The following NEGR1 variants were observed in gnomAD, a reference collection of about 807,000 sequenced individuals.
The protein encoded by NEGR1 is neuronal growth regulator 1, also known as IgLON family member 4.
In NEGR1, 10 loss-of-function variants were observed where a neutral mutation model predicts 40.9. The ratio of observed to expected loss-of-function variants is 0.24; its 90% CI spans 0.15 to 0.42. NEGR1 has a LOEUF of 0.42. Among genes scored for constraint, NEGR1 ranks in the 10% least tolerant of loss-of-function variants. NEGR1 has a pLI of 1.00. For missense variants in NEGR1, 352 were observed against 438.9 expected, an observed-to-expected ratio of 0.80 and a Z score of 1.77; for synonymous variants, 185 against 166.8, an observed-to-expected ratio of 1.11 and a Z score of -0.84.
intron 4 of NEGR1, among the ~76,000 whole-genome samples, chr1:71,612,728 C>T (rs1415564548): frequency 6.6e-6 from 1 of 152,096 alleles, no homozygotes; most frequent in African/African-American, 2.4e-5. Context: ...TGCACAAAGA[C>T]TAGATGTAAA....
At chr1:71,994,385 G>A (rs534579184) in intron 1 of NEGR1, among the ~76,000 whole-genome samples, 4 of 151,870 alleles carry the variant, frequency 2.6e-5, no homozygotes, top group Non-Finnish European at 4.4e-5. Context: ...AAAATTAGCC[G>A]GGCGTGGTGG....
At chr1:71,703,141 G>T (rs556103289) in intron 3 of NEGR1, 31 of 152,008 alleles carry the variant, frequency 2.0e-4, no homozygotes, top group Non-Finnish European at 4.0e-4. Flanking sequence ...CTCAGACAAG[G>T]TAAAGAGACA....
chr1:71,565,104 A>G (rs2101485355), intron 6 of NEGR1, among the ~76,000 whole-genome samples: 1 of 152,274 alleles, frequency 6.6e-6, no homozygotes, highest in East Asian at 1.9e-4. Flanking sequence ...AGAGGTAACC[A>G]GATAAAATAA....
chr1:71,856,781 T>C (rs913419274), intron 2 of NEGR1, among the ~76,000 whole-genome samples: 2 of 152,082 alleles, frequency 1.3e-5, no homozygotes, highest in African/African-American at 4.8e-5. Flanking sequence ...TATGAAACAT[T>C]CAGGATCTAA....
chr1:71,428,258 G>A lies in NEGR1; in HGVS notation c.941-20688C>T, dbSNP rs78490888. On this transcript the variant is annotated intron_variant, in intron 6 of 6. Transcript: ENST00000357731. ...CTGGGTGCTTGCCTTCTGGCTAGAT[G>A]ACATTAAGCTGAGGTGCATATGTGG... 3.1e-3 allele frequency among the ~76,000 whole-genome samples: 472 copies of A among 152,264 alleles called. 4 individuals carry two copies. Among genetic ancestry groups the A allele is most frequent in the African/African-American group, 0.011 (444 of 41,546 alleles).
At chr1:71,528,640 C>T (rs1647272119) in intron 6 of NEGR1, among the ~76,000 whole-genome samples, 1 of 151,184 alleles carries the variant, frequency 6.6e-6, no homozygotes, top group South Asian at 2.1e-4. Flanking sequence ...AATATGGTAT[C>T]TTGTGGTGAA....
chr1:72,273,259 T>C (rs142936024), intron 1 of NEGR1, among the ~76,000 whole-genome samples: 71 of 152,154 alleles, frequency 4.7e-4, no homozygotes, highest in African/African-American at 1.4e-3. Flanking sequence ...TATTCATCCA[T>C]ATTAACAGCA....
intron 1 of NEGR1, among the ~76,000 whole-genome samples, chr1:72,226,613 G>A (rs1178132262): frequency 5.3e-5 from 8 of 151,708 alleles, no homozygotes; most frequent in South Asian, 2.1e-4. Flanking sequence ...AATTTGATTC[G>A]GCCATTGGTG....
In NEGR1 at chr1:72,227,107, G is replaced by A. The variant is rs370706845; in HGVS notation, c.176+55212C>T. ...GACTTTGGAATCAGAGCTGGGATGT[G>A]CTCTCTTGCATTTAATGTCTTTGAA... On this transcript the variant is annotated intron_variant, in intron 1 of 6. Transcript: ENST00000357731. Among the ~76,000 whole-genome samples, 23 of 152,170 alleles carry A rather than the reference G, an allele frequency of 1.5e-4. No individual in the cohort carries two copies. The East Asian group carries it at 4.4e-3, about 29-fold the overall frequency.
chr1:71,815,993 C>T (rs1658192317), intron 2 of NEGR1, among the ~76,000 whole-genome samples: 1 of 152,052 alleles, frequency 6.6e-6, no homozygotes. Flanking sequence ...TTGCTTTTTA[C>T]ACAAATTGAA....
intron 2 of NEGR1, among the ~76,000 whole-genome samples, chr1:71,825,667 T>C (rs1301669430): frequency 6.6e-6 from 1 of 151,894 alleles, no homozygotes; most frequent in Admixed American, 6.6e-5. Context: ...CTTCTTAATC[T>C]ATAAATTGAG....
chr1:71,580,223 C>T (rs1229470740), intron 6 of NEGR1, among the ~76,000 whole-genome samples: 6 of 150,830 alleles, frequency 4.0e-5, no homozygotes, highest in Non-Finnish European at 7.4e-5. Context: ...AACCAAACAC[C>T]GCATATTCTC....
chr1:72,046,776 CAAAG>C (rs1364972892), intron 1 of NEGR1, among the ~76,000 whole-genome samples: 2 of 151,352 alleles, frequency 1.3e-5, no homozygotes, highest in Non-Finnish European at 3.0e-5. Flanking sequence ...AGATATAAGA[CAAAG>C]AAAACACTAA....
chr1:71,919,160 T>C (rs957916661), intron 2 of NEGR1, among the ~76,000 whole-genome samples: 28 of 152,204 alleles, frequency 1.8e-4, no homozygotes, highest in Admixed American at 1.8e-3. Flanking sequence ...AACACAATAA[T>C]TTTCCAGCTG....
chr1:71,586,579 G>C (rs1015665401), intron 6 of NEGR1, among the ~76,000 whole-genome samples: 6 of 152,068 alleles, frequency 3.9e-5, no homozygotes, highest in African/African-American at 1.4e-4. Context: ...ACTGATATGT[G>C]GTTTTCACTA....
intron 3 of NEGR1, among the ~76,000 whole-genome samples, chr1:71,769,168 A>T (rs1196574084): frequency 1.3e-5 from 2 of 151,508 alleles, no homozygotes; most frequent in Admixed American, 6.6e-5. Context: ...TTTTCCTTTA[A>T]TTTTTTATTT....
chr1:71,646,372 A>G (rs2101578118), intron 4 of NEGR1, among the ~76,000 whole-genome samples: 1 of 151,920 alleles, frequency 6.6e-6, no homozygotes, highest in African/African-American at 2.4e-5. Context: ...AAAAAGAAGC[A>G]TAGTCTAGAA....
intron 1 of NEGR1, among the ~76,000 whole-genome samples, chr1:72,025,568 C>G (rs1646800060): frequency 6.6e-6 from 1 of 152,112 alleles, no homozygotes; most frequent in South Asian, 2.1e-4. Flanking sequence ...TAAAATCAAT[C>G]CTAGCCCAGG....
At chr1:72,134,355 G>A (rs4650129) in intron 1 of NEGR1, among the ~76,000 whole-genome samples, 34,148 of 151,138 alleles carry the variant, frequency 0.23, 4,412 homozygotes, top group Non-Finnish European at 0.29. Context: ...ACAGGCGCCC[G>A]CCACCACGCC....
Sources: allele counts gnomAD v4.1 joint callset (sites outside exome capture counted in the v4.1 genomes callset), GRCh38; gene constraint gnomAD v4.1.1; transcripts MANE v1.5; gene names NCBI Gene and HGNC (gene_info 2026-07-23, HGNC 2026-07-21).